Variants in EXD3 observed in about 807,000 individuals in gnomAD.
EXD3 encodes the protein exonuclease mut-7 homolog.
In EXD3, 92 loss-of-function variants were observed where a neutral mutation model predicts 98.0. That is an observed-to-expected ratio of 0.94 (90% CI 0.79 to 1.12). The LOEUF (loss-of-function observed/expected upper bound fraction) is 1.12. EXD3 is among the 50% of genes most tolerant of loss of function. EXD3 has a pLI of 0.00. For missense variants in EXD3, 1,222 were observed against 1,191.6 expected (o/e 1.03, Z -0.38); for synonymous variants, 569 against 526.0 (o/e 1.08, Z -1.12).
At chr9:137,387,136 TGTTCCCTGCCTGGCCCTCGGCCCCC>T (rs1836642592) in intron 2 of EXD3, among the ~76,000 whole-genome samples, 1 of 138,728 alleles carries the variant, frequency 7.2e-6, no homozygotes, top group Non-Finnish European at 1.5e-5. Context: ...TCAGCGCCTC[TGTTCCCTGCCTGGCCCTCGGCCCCC>T]GCTCCCTGCC....
chr9:137,416,930 A>G (rs1838258074), intron 1 of EXD3, among the ~76,000 whole-genome samples: 1 of 152,194 alleles, frequency 6.6e-6, no homozygotes, highest in Admixed American at 6.5e-5. Flanking sequence ...GAGGCCAGGA[A>G]GCCCCGACAC....
chr9:137,364,305 C>T (rs1835117320), intron 7 of EXD3, among the ~76,000 whole-genome samples: 1 of 152,044 alleles, frequency 6.6e-6, no homozygotes, highest in Non-Finnish European at 1.5e-5. Context: ...TTTCAGAGCA[C>T]AGAGCTAGGA....
chr9:137,324,015 G>A lies in EXD3; in HGVS notation c.2052+75C>T, dbSNP rs890173983. 6.5e-7 allele frequency: 1 copy of A among 1,539,602 alleles called. No individual in the cohort carries two copies. The highest frequency in any genetic ancestry group is 1.4e-5 in the African/African-American group (1 of 72,978). Reference sequence around the variant, plus strand: ...GGCCCCACGGCAAGCTGACCCTGAGGTGGGGGTGGCCGAGGGGCTGGGGGC... The same window carrying A: ...GGCCCCACGGCAAGCTGACCCTGAGATGGGGGTGGCCGAGGGGCTGGGGGC... On this transcript the variant is annotated intron_variant, in intron 18 of 21. Transcript: ENST00000340951. This position sits in a 1 kb window ranked among gnomAD's most constrained non-coding sequence, Gnocchi z 4.1.
intron 8 of EXD3, among the ~76,000 whole-genome samples, chr9:137,355,640 G>A (rs112965997): frequency 2.8e-4 from 35 of 123,608 alleles, no homozygotes; most frequent in African/African-American, 6.5e-4. Context: ...GAGGAAGGAG[G>A]AAGGAGGAAG....
intron 2 of EXD3, among the ~76,000 whole-genome samples, chr9:137,388,152 G>T (rs1039513690): frequency 6.6e-6 from 1 of 152,162 alleles, no homozygotes; most frequent in Admixed American, 6.5e-5. Flanking sequence ...TCTCTCTGGG[G>T]GGCTGAATCA....
chr9:137,353,898 C>CGACA, intron 10 of EXD3: 1 of 995,248 alleles, frequency 1.0e-6, no homozygotes, highest in Non-Finnish European at 1.2e-6. Flanking sequence ...CCCACGTGGA[C>CGACA]GACAATACGT....
chr9:137,339,570 T>G (rs566502867), intron 17 of EXD3, among the ~76,000 whole-genome samples: 64 of 150,152 alleles, frequency 4.3e-4, no homozygotes, highest in African/African-American at 1.6e-3. Context: ...CGGGACCAAG[T>G]TGAATTTAAC....
chr9:137,351,025 A>C lies in EXD3; in HGVS notation c.1494+13T>G, dbSNP rs1834269343. On this transcript the variant is annotated intron_variant, in intron 14 of 21. Coordinates refer to ENST00000340951, the MANE Select transcript of EXD3 (RefSeq NM_017820.5). ...CCACCCGGCATCTTGTGAGCGGCTC[A>C]GTGGGTGCCCACCTGTCTGTGCACC... 6.4e-7 allele frequency: 1 copy of C among 1,551,278 alleles called. No individual in the cohort carries two copies. Among genetic ancestry groups the C allele is most frequent in the Non-Finnish European group, 8.7e-7 (1 of 1,147,410 alleles).
At chr9:137,354,458 C>T in intron 9 of EXD3, 81 bp from the exon 10 acceptor site, 1 of 1,595,604 alleles carries the variant, frequency 6.3e-7, no homozygotes, top group African/African-American at 1.3e-5. Flanking sequence ...TTCCTCGACC[C>T]CTGGCAGGGT....
chr9:137,344,025 G>T (rs2119193818), intron 17 of EXD3, among the ~76,000 whole-genome samples: 1 of 150,212 alleles, frequency 6.7e-6, no homozygotes, highest in South Asian at 2.1e-4. Context: ...CCAAGTAGCT[G>T]GGACTACAGG....
intron 19 of EXD3, among the ~76,000 whole-genome samples, chr9:137,316,131 A>G (rs1483898812): frequency 1.4e-5 from 2 of 147,598 alleles, no homozygotes; most frequent in Non-Finnish European, 3.0e-5. Flanking sequence ...GCTTTCCCAG[A>G]CGGGGGAGGG....
chr9:137,353,949 G>A (rs1002458431), intron 10 of EXD3: 70 of 1,053,656 alleles, frequency 6.6e-5, no homozygotes, highest in Admixed American at 4.9e-4. Context: ...CTGCCCTTCC[G>A]GCCGGCTCTG....
chr9:137,366,125 G>C, intron 7 of EXD3: 1 of 697,658 alleles, frequency 1.4e-6, no homozygotes, highest in South Asian at 1.5e-5. Flanking sequence ...TGTAATTGCT[G>C]ACAGACGTCA....
intron 17 of EXD3, among the ~76,000 whole-genome samples, chr9:137,334,104 C>T (rs536734237): frequency 2.0e-5 from 3 of 151,878 alleles, no homozygotes; most frequent in South Asian, 2.1e-4. Context: ...TGGGTTCAAA[C>T]GATTCCCCTG....
In EXD3 at chr9:137,356,207, C is replaced by G. The variant is rs142181227; in HGVS notation, c.757+61G>C. 7.0e-6 allele frequency: 9 copies of G among 1,294,062 alleles called. No individual in the cohort carries two copies. In the East Asian group the frequency reaches 2.3e-4, roughly 33 times the overall value. The allele number at this position is 1,294,062 out of a possible 1,614,324, so 80.2% of individuals were successfully genotyped here. ...GGCAGCCCCAGTCACAGAGGATGTC[C>G]CTGGCCACGCTTGGCGGCTCTCCCT... On this transcript the variant is annotated intron_variant, in intron 8 of 21. Coordinates refer to ENST00000340951, the MANE Select transcript of EXD3 (RefSeq NM_017820.5).
chr9:137,311,538 G>A (rs538264129), intron 19 of EXD3, among the ~76,000 whole-genome samples: 316 of 152,344 alleles, frequency 2.1e-3, no homozygotes, highest in Middle Eastern at 3.4e-3. Flanking sequence ...AGGTGCGCAC[G>A]CCTGGGCGGG....
rs143080547 is a variant in EXD3 at position 137,407,825 on chromosome 9, C to CGCGGGAGGCGGGAG, written c.-47-12435_-47-12422dup. On this transcript the variant is annotated intron_variant, in intron 1 of 21. Transcript: ENST00000340951. The surrounding 1 kb of genome is among the most constrained non-coding windows in gnomAD (Gnocchi z 4.4). ...TGCGCCGGCTGGACCCAAGGACACACGCGGGAGGCGGGAGGCGGGAGGGGC... is the reference window on the plus strand; with the variant it reads ...TGCGCCGGCTGGACCCAAGGACACACGCGGGAGGCGGGAGGCGGGAGGCGGGAGGCGGGAGGGGC... Among the ~76,000 whole-genome samples the CGCGGGAGGCGGGAG allele has an allele frequency of 1.1e-4, 16 of 150,322 alleles. No homozygotes were observed. In the East Asian group the frequency reaches 1.4e-3, roughly 13 times the overall value.
At chr9:137,353,979 G>GA in intron 10 of EXD3, 1 of 1,100,536 alleles carries the variant, frequency 9.1e-7, no homozygotes, top group African/African-American at 1.6e-5. Context: ...CGGGCTGGGG[G>GA]GGCCTGGCCT....
chr9:137,411,637 G>A (rs1294355075), intron 1 of EXD3, among the ~76,000 whole-genome samples: 12 of 150,532 alleles, frequency 8.0e-5, no homozygotes, highest in Admixed American at 4.6e-4. Context: ...TCTCTCCATC[G>A]GTGCCACAGC....
Sources: gnomAD v4.1 joint callset for allele counts (sites outside exome capture counted in the v4.1 genomes callset) on GRCh38, gnomAD v4.1.1 for gene constraint, Gnocchi (gnomAD v3.1) non-coding constraint, MANE v1.5 for transcripts, NCBI Gene and HGNC (gene_info 2026-07-23, HGNC 2026-07-21) for gene names.